The following PITHD1 variants were observed in gnomAD, a reference collection of about 807,000 sequenced individuals.
PITHD1 encodes the protein PITH domain containing 1, also known as PITH domain-containing protein 1.
Under a neutral mutation model 27.5 loss-of-function variants are expected in PITHD1, and 8 were observed. The observed-to-expected ratio is 0.29, with a 90% CI of 0.17 to 0.52. PITHD1 has a LOEUF of 0.52. PITHD1 is among the 20% of genes least tolerant of loss of function. PITHD1 has a pLI of 0.96. For synonymous variants in PITHD1, 118 were observed against 106.8 expected (o/e 1.10, Z -0.64); for missense variants, 233 against 283.9 (o/e 0.82, Z 1.29).
At position 23,788,095 on chromosome 1, in the gene PITHD1, T is replaced by A. The variant is rs1481919262; in HGVS notation, c.*719T>A. 1 of 152,362 alleles carries A rather than the reference T, an allele frequency of 6.6e-6. No individual in the cohort carries two copies. The highest frequency in any genetic ancestry group is 1.9e-4 in the East Asian group (1 of 5,194). The allele number at this position is 152,362 out of a possible 1,614,324, so 9.4% of individuals were successfully genotyped here. ...ATTGAGACTTAGTTAAGATTCCCCTTGGAAATTCCTTAATGTTTATTAGCT... is the reference window on the plus strand; with the variant it reads ...ATTGAGACTTAGTTAAGATTCCCCTAGGAAATTCCTTAATGTTTATTAGCT... On this transcript the variant is annotated 3_prime_UTR_variant, in exon 6 of 6. Coordinates refer to ENST00000246151, the MANE Select transcript of PITHD1 (RefSeq NM_020362.5).
chr1:23,782,343 C>T (rs576323279), intron 3 of PITHD1, among the ~76,000 whole-genome samples: 6 of 151,800 alleles, frequency 4.0e-5, no homozygotes, highest in South Asian at 2.1e-4. Context: ...CACTTGAACC[C>T]GGGAGGCGGA....
At chr1:23,782,794 G>A (rs570046958) in intron 3 of PITHD1, among the ~76,000 whole-genome samples, 83 of 151,816 alleles carry the variant, frequency 5.5e-4, no homozygotes, top group African/African-American at 1.8e-3. Context: ...GCAGAGATGG[G>A]GTTTTGTTAT....
chr1:23,784,211 A>T (rs182569849), intron 3 of PITHD1, among the ~76,000 whole-genome samples: 1 of 143,382 alleles, frequency 7.0e-6, no homozygotes, highest in East Asian at 2.0e-4. Flanking sequence ...TCTTAGAAAC[A>T]CTTTGAAGTA....
At chr1:23,783,284 T>C (rs1346920897) in intron 3 of PITHD1, among the ~76,000 whole-genome samples, 5 of 150,584 alleles carry the variant, frequency 3.3e-5, no homozygotes, top group African/African-American at 1.2e-4. Flanking sequence ...GGCACATGTG[T>C]GTATATATAT....
At chr1:23,779,610 G>T in intron 2 of PITHD1, 129 bp downstream of exon 2, 1 of 783,566 alleles carries the variant, frequency 1.3e-6, no homozygotes, top group South Asian at 1.5e-5. Context: ...TGGTGGGTTT[G>T]AGGAGGAAAG....
intron 5 of PITHD1, among the ~76,000 whole-genome samples, chr1:23,786,639 A>AATAT (rs10636542): frequency 2.8e-4 from 41 of 146,626 alleles, no homozygotes; most frequent in African/African-American, 9.2e-4. Context: ...TAATATATAT[A>AATAT]ATATATATAT....
intron 2 of PITHD1, 173 bp from the exon 3 acceptor site, chr1:23,779,691 A>G: frequency 3.1e-6 from 2 of 655,054 alleles, no homozygotes; most frequent in South Asian, 3.7e-5. Context: ...ATTGAGGTAG[A>G]TTTCTTAGAA....
At position 23,778,454 on chromosome 1, in the gene PITHD1, GCGAGC is replaced by G. The variant is rs535865135; in HGVS notation, c.-51_-47del. On this transcript the variant is annotated 5_prime_UTR_variant, in exon 1 of 6. Transcript: ENST00000246151. ...CTGAACGGCGCGGAGCTGGTCTGAGGCGAGCCGAGCCGAGCGAGCGCGGCGGTGGG... is the reference window on the plus strand; with the variant it reads ...CTGAACGGCGCGGAGCTGGTCTGAGGCGAGCCGAGCGAGCGCGGCGGTGGG... The G allele has an allele frequency of 8.2e-6, 10 of 1,220,604 alleles. No homozygotes were observed. Among genetic ancestry groups the G allele is most frequent in the East Asian group, 3.2e-5 (1 of 31,552 alleles). 75.6% of individuals were successfully genotyped at this position (1,220,604 alleles called of 1,614,324 possible).
rs1044738958 is a variant in PITHD1, at chr1:23,778,418, A to G, written c.-98A>G. The G allele has an allele frequency of 3.3e-6, 2 of 601,124 alleles. No individual in the cohort carries two copies. The highest frequency in any genetic ancestry group is 4.2e-6 in the Non-Finnish European group (2 of 477,600). 37.2% of individuals were successfully genotyped at this position (601,124 alleles called of 1,614,324 possible). ...ACGACGCGGCAGGCGCGGCGCGCTT[A>G]GTTGCCGGAGCTGAACGGCGCGGAG... On this transcript the variant is annotated 5_prime_UTR_variant, in exon 1 of 6. Coordinates refer to ENST00000246151, the MANE Select transcript of PITHD1 (RefSeq NM_020362.5).
At position 23,779,906 on chromosome 1, in the gene PITHD1, A is replaced by C. The variant is rs754358775; in HGVS notation, c.285A>C (p.Gly95=). The part of the protein sequence containing the change: ...NVKLKGIIIM[G]EDDDSHPSEM... ...AGCTCAAAGGCATCATTATAATGGG[A>C]GAGGATGATGACTCACACCCCTCTG... is the stretch of plus-strand genomic sequence containing the variant. Residue 95 remains glycine, a synonymous_variant, in exon 3 of 6, where the codon GGA becomes GGC. Coordinates refer to ENST00000246151, the MANE Select transcript of PITHD1 (RefSeq NM_020362.5). 12 of 1,613,564 alleles carry C rather than the reference A, an allele frequency of 7.4e-6. No homozygotes were observed. The East Asian group carries it at 2.7e-4, about 36-fold the overall frequency.
chr1:23,778,471 A>G lies in PITHD1; in HGVS notation c.-45A>G. 1 of 1,290,448 alleles carries G rather than the reference A, an allele frequency of 7.7e-7. No homozygotes were observed. The highest frequency in any genetic ancestry group is 9.9e-7 in the Non-Finnish European group (1 of 1,010,554). 79.9% of individuals were successfully genotyped at this position (1,290,448 alleles called of 1,614,324 possible). On this transcript the variant is annotated 5_prime_UTR_variant, in exon 1 of 6. Transcript: ENST00000246151. ...GGTCTGAGGCGAGCCGAGCCGAGCG[A>G]GCGCGGCGGTGGGGCCGAGAGGACG...
At chr1:23,781,032 A>G (rs1638588875) in intron 3 of PITHD1, among the ~76,000 whole-genome samples, 1 of 151,896 alleles carries the variant, frequency 6.6e-6, no homozygotes, top group Non-Finnish European at 1.5e-5. Flanking sequence ...TACTAAAAAT[A>G]CAAAAATTAG....
chr1:23,786,810 T>G (rs1638691521), intron 5 of PITHD1, among the ~76,000 whole-genome samples: 1 of 152,044 alleles, frequency 6.6e-6, no homozygotes, highest in African/African-American at 2.4e-5. Flanking sequence ...CAGGCTGGTC[T>G]CGAACTCCTG....
intron 3 of PITHD1, among the ~76,000 whole-genome samples, chr1:23,780,368 T>C (rs1638579337): frequency 6.6e-6 from 1 of 152,196 alleles, no homozygotes; most frequent in Non-Finnish European, 1.5e-5. Context: ...CCACCTGACT[T>C]TGCGTGGCAT....
At chr1:23,786,772 A>G (rs921637595) in intron 5 of PITHD1, among the ~76,000 whole-genome samples, 7 of 151,736 alleles carry the variant, frequency 4.6e-5, no homozygotes, top group African/African-American at 1.7e-4. Flanking sequence ...TTGTATTTTT[A>G]GTAGAGACAG....
intron 5 of PITHD1, 28 bp from the exon 6 acceptor site, chr1:23,787,247 G>A (rs1356768772): frequency 1.3e-6 from 2 of 1,549,688 alleles, no homozygotes; most frequent in Non-Finnish European, 8.9e-7. Context: ...TTTAATGGCT[G>A]GCTGACCCAG....
Position 23,785,779 on chromosome 1 carries a change from A to G in PITHD1, c.425A>G (p.Lys142Arg). Residue 142 changes from lysine to arginine, a missense_variant and splice_region_variant, in exon 4 of 6, where the codon AAA (lysine) becomes AGA (arginine). Lys to Arg is a conservative substitution (Grantham distance 26). Transcript: ENST00000246151. ...ACAGGAGAATTAGAGTATGCTACAA[A>G]GTAAGCACTGGGCCTGTCTTCCATT... is the stretch of plus-strand genomic sequence containing the variant. ...DLTGELEYAT[K>R]ISRFSNVYHL... 1 of 1,537,544 alleles carries G rather than the reference A, an allele frequency of 6.5e-7. No individual in the cohort carries two copies.
intron 5 of PITHD1, 57 bp downstream of exon 5, chr1:23,786,480 G>A (rs917473359): frequency 7.8e-5 from 52 of 670,906 alleles, no homozygotes; most frequent in Non-Finnish European, 1.3e-4. Flanking sequence ...ACACTGTGGT[G>A]ATGGGAGCTT....
At chr1:23,780,594 T>C (rs1259456585) in intron 3 of PITHD1, among the ~76,000 whole-genome samples, 1 of 152,062 alleles carries the variant, frequency 6.6e-6, no homozygotes, top group Non-Finnish European at 1.5e-5. Context: ...TAAAAGATGA[T>C]ATATAGGCTG....
Sources: gnomAD v4.1 joint callset for allele counts (sites outside exome capture counted in the v4.1 genomes callset) on GRCh38, gnomAD v4.1.1 for gene constraint, MANE v1.5 for transcripts, NCBI Gene and HGNC (gene_info 2026-07-23, HGNC 2026-07-21) for gene names.